The following RNF150 variants were observed in gnomAD, a reference collection of about 807,000 sequenced individuals.
The protein encoded by RNF150 is ring finger protein 150.
RNF150 carries 24 observed loss-of-function variants against 39.3 expected under a neutral mutation model. The observed-to-expected ratio is 0.61, with a 90% CI of 0.44 to 0.86. The LOEUF (loss-of-function observed/expected upper bound fraction) is 0.86. RNF150 is among the 40% of genes least tolerant of loss of function. RNF150 has a pLI of 0.00. For missense variants in RNF150, 502 were observed against 587.8 expected, an observed-to-expected ratio of 0.85 and a Z score of 1.51; for synonymous variants, 255 against 227.3, an observed-to-expected ratio of 1.12 and a Z score of -1.10.
At chr4:140,871,306 A>G (rs936510979) in intron 6 of RNF150, among the ~76,000 whole-genome samples, 1 of 152,148 alleles carries the variant, frequency 6.6e-6, no homozygotes, top group African/African-American at 2.4e-5. Flanking sequence ...ATGACCACTG[A>G]GAAACAAAGT....
At chr4:141,067,436 T>C (rs1383493777) in intron 1 of RNF150, among the ~76,000 whole-genome samples, 1 of 152,188 alleles carries the variant, frequency 6.6e-6, no homozygotes, top group Non-Finnish European at 1.5e-5. Flanking sequence ...GCCAGGGTAT[T>C]CCTTGGACTC....
intron 1 of RNF150, among the ~76,000 whole-genome samples, chr4:141,019,337 A>C (rs1735399049): frequency 6.6e-6 from 1 of 152,060 alleles, no homozygotes; most frequent in African/African-American, 2.4e-5. Flanking sequence ...TACCTTTCTA[A>C]TTCTATGGAA....
chr4:141,066,240 CG>C lies in RNF150; in HGVS notation c.484+66084del, dbSNP rs200243053. Among the ~76,000 whole-genome samples the C allele has an allele frequency of 1.9e-3, 131 of 69,786 alleles. 2 individuals are homozygous for C. Among genetic ancestry groups the C allele is most frequent in the African/African-American group, 4.3e-3 (122 of 28,110 alleles). 45.8% of individuals were successfully genotyped at this position (69,786 alleles called of 152,430 possible). A position where few individuals can be genotyped will look rare whatever the true frequency, so the allele number is the denominator to read the frequency against. On this transcript the variant is annotated intron_variant, in intron 1 of 6. Transcript: ENST00000515673. ...AGCTATCATTTGTTCAGTATATGTG[CG>C]AAAAAAAAAAAACCATTCCTCAGTA...
chr4:140,895,477 T>C (rs1291597343), intron 6 of RNF150, among the ~76,000 whole-genome samples: 2 of 152,174 alleles, frequency 1.3e-5, no homozygotes, highest in Non-Finnish European at 2.9e-5. Context: ...TATGGTTCCA[T>C]ATGTTCCATA....
chr4:140,894,235 CA>C (rs143010183), intron 6 of RNF150, among the ~76,000 whole-genome samples: 56,911 of 151,760 alleles, frequency 0.38, 11,168 homozygotes, highest in East Asian at 0.48. Context: ...TCAAAATAGG[CA>C]TTAATAAATC....
At position 141,031,787 on chromosome 4, in the gene RNF150, T is replaced by C. The variant is rs146514730; in HGVS notation, c.485-63914A>G. On this transcript the variant is annotated intron_variant, in intron 1 of 6. Transcript: ENST00000515673. The stretch of plus-strand genomic sequence containing the variant: ...GATGTGGAGAAAGGGAGAACCCTTG[T>C]ACAATGTTGGTGGAAATGTAAATTA... Among the ~76,000 whole-genome samples the C allele has an allele frequency of 1.7e-3, 261 of 152,242 alleles. 2 individuals carry two copies. The highest frequency in any genetic ancestry group is 0.013 in the South Asian group (61 of 4,824).
rs1481503320 is a variant in RNF150 at position 141,132,362 on chromosome 4, G to A, written c.447C>T (p.Gly149=). 1 of 1,594,520 alleles carries A rather than the reference G, an allele frequency of 6.3e-7. No homozygotes were observed. Among genetic ancestry groups the A allele is most frequent in the Non-Finnish European group, 8.5e-7 (1 of 1,170,940 alleles). Residue 149 remains glycine, a synonymous_variant, in exon 1 of 7, where the codon GGC becomes GGT. Transcript: ENST00000515673. The surrounding 1 kb of genome is among the most constrained non-coding windows in gnomAD (Gnocchi z 4.9). The part of the protein sequence containing the change: ...NASAVVIFNV[G]SNTNETITMP... ...TGGTGATGGTCTCGTTGGTGTTGGAGCCCACGTTGAAGATGACCACGGCTG... is the reference window on the plus strand; with the variant it reads ...TGGTGATGGTCTCGTTGGTGTTGGAACCCACGTTGAAGATGACCACGGCTG...
intron 1 of RNF150, among the ~76,000 whole-genome samples, chr4:141,128,305 G>T (rs2111102165): frequency 6.6e-6 from 1 of 152,244 alleles, no homozygotes; most frequent in Admixed American, 6.5e-5. Flanking sequence ...TCGAGGTATG[G>T]TGTTATCCTC....
chr4:141,200,200 G>T (rs1382205729), intron 1 of RNF150, among the ~76,000 whole-genome samples: 1 of 152,142 alleles, frequency 6.6e-6, no homozygotes, highest in African/African-American at 2.4e-5. Flanking sequence ...GGACTCTGAT[G>T]AGGGCCCTTT....
At chr4:140,882,676 C>T (rs889785547) in intron 6 of RNF150, among the ~76,000 whole-genome samples, 9 of 152,012 alleles carry the variant, frequency 5.9e-5, no homozygotes, top group African/African-American at 1.9e-4. Flanking sequence ...TATATAATGA[C>T]ATTCTTTGTC....
chr4:140,889,671 A>G (rs961550936), intron 6 of RNF150, among the ~76,000 whole-genome samples: 1 of 152,204 alleles, frequency 6.6e-6, no homozygotes, highest in Admixed American at 6.5e-5. Flanking sequence ...CTAAGTGTCA[A>G]TGCTTAATGA....
rs140751002 is a variant in RNF150 at position 141,067,604 on chromosome 4, T to C, written c.484+64721A>G. On this transcript the variant is annotated intron_variant, in intron 1 of 6. Transcript: ENST00000515673. ...ATTTAGGGCATATCATCTCCTATTG[T>C]TGAGGAAGAAAAATCTTTGTTCCTA... Among the ~76,000 whole-genome samples, 7 of 152,296 alleles carry C rather than the reference T, an allele frequency of 4.6e-5. No individual in the cohort carries two copies. In the East Asian group the frequency reaches 9.6e-4, roughly 21 times the overall value.
chr4:140,884,808 T>G (rs1436740722), intron 6 of RNF150, among the ~76,000 whole-genome samples: 2 of 152,142 alleles, frequency 1.3e-5, no homozygotes, highest in Non-Finnish European at 2.9e-5. Context: ...CATCCCACTT[T>G]ACAATCATTT....
chr4:141,143,364 GT>G (rs796088937), intron 1 of RNF150, among the ~76,000 whole-genome samples: 13 of 152,296 alleles, frequency 8.5e-5, no homozygotes, highest in African/African-American at 3.1e-4. Context: ...CCAGCTAAGA[GT>G]TTTTTATTCC....
At chr4:141,039,142 C>T (rs911836659) in intron 1 of RNF150, among the ~76,000 whole-genome samples, 5 of 152,066 alleles carry the variant, frequency 3.3e-5, no homozygotes, top group African/African-American at 1.2e-4. Context: ...GGAAGAATAC[C>T]TGTGTTTGGG....
At chr4:141,128,226 C>A (rs559051496) in intron 1 of RNF150, among the ~76,000 whole-genome samples, 1 of 152,304 alleles carries the variant, frequency 6.6e-6, no homozygotes, top group African/African-American at 2.4e-5. Flanking sequence ...CATTTTTTGA[C>A]TGCTTTGTGC....
At chr4:140,971,191 T>C (rs1372580882) in intron 1 of RNF150, among the ~76,000 whole-genome samples, 1 of 152,022 alleles carries the variant, frequency 6.6e-6, no homozygotes, top group African/African-American at 2.4e-5. Context: ...GCAGCTACAG[T>C]TTCAGGGAGA....
In RNF150 at chr4:140,865,880, T is replaced by C. The variant is rs1388897425; in HGVS notation, c.*2381A>G. 3 of 152,386 alleles carry C rather than the reference T, an allele frequency of 2.0e-5. No homozygotes were observed. Among genetic ancestry groups the C allele is most frequent in the African/African-American group, 4.8e-5 (2 of 41,458 alleles). The allele number at this position is 152,386 out of a possible 1,614,324, so 9.4% of individuals were successfully genotyped here. ...AATATAATTTATATTTCTGTTGCTATTGAATTATCCTTCTAATTCCACTGG... is the reference window on the plus strand; with the variant it reads ...AATATAATTTATATTTCTGTTGCTACTGAATTATCCTTCTAATTCCACTGG... On this transcript the variant is annotated 3_prime_UTR_variant, in exon 7 of 7. Transcript: ENST00000515673.
chr4:140,928,862 A>ATG (rs1731503695), intron 4 of RNF150, among the ~76,000 whole-genome samples: 5 of 152,200 alleles, frequency 3.3e-5, no homozygotes, highest in African/African-American at 1.2e-4. Flanking sequence ...CTTTGTTTCT[A>ATG]TTCCTACATA....
Sources: allele counts gnomAD v4.1 joint callset (sites outside exome capture counted in the v4.1 genomes callset), GRCh38; gene constraint gnomAD v4.1.1; non-coding constraint Gnocchi (gnomAD v3.1); transcripts MANE v1.5; gene names NCBI Gene and HGNC (gene_info 2026-07-23, HGNC 2026-07-21).